Variants in SPAST observed in about 807,000 individuals in gnomAD.
SPAST encodes spastic paraplegia 4 (autosomal dominant; spastin).
In SPAST, 30 loss-of-function variants were observed where a neutral mutation model predicts 76.6. That is an observed-to-expected ratio of 0.39 (90% CI 0.29 to 0.53). SPAST has a LOEUF of 0.53. Ranked by LOEUF, SPAST falls within the 20% of genes least tolerant of loss-of-function variation. The probability of loss-of-function intolerance (pLI) is 0.68; values close to 1 mark genes in which losing one functional copy is unlikely to be tolerated. For synonymous variants in SPAST, 305 were observed against 281.0 expected, an observed-to-expected ratio of 1.09 and a Z score of -0.86; for missense variants, 717 against 770.5, an observed-to-expected ratio of 0.93 and a Z score of 0.82.
chr2:32,083,737 ATATT>A (rs1677339342), intron 1 of SPAST, among the ~76,000 whole-genome samples: 1 of 70,954 alleles, frequency 1.4e-5, no homozygotes, highest in Admixed American at 2.0e-4. Flanking sequence ...TATACTATAT[ATATT>A]TATATATACT....
chr2:32,120,572 CTTTT>C (rs36066356), intron 7 of SPAST, among the ~76,000 whole-genome samples: 1 of 131,200 alleles, frequency 7.6e-6, no homozygotes, highest in Non-Finnish European at 1.6e-5. Context: ...TAACTCAGGT[CTTTT>C]TTTTTTTTTT....
rs1386292852 is a variant in SPAST at position 32,063,978 on chromosome 2, C to A, written c.147C>A (p.Asn49Lys). 1 of 1,613,280 alleles carries A rather than the reference C, an allele frequency of 6.2e-7. No homozygotes were observed. The highest frequency in any genetic ancestry group is 8.5e-7 in the Non-Finnish European group (1 of 1,179,492). ...CGCCCGAGTCGCCGCATAAGCGGAA[C>A]CTGTACTATTTCTCCTACCCGCTGT... ...APPPESPHKR[N>K]LYYFSYPLFV... Residue 49 changes from asparagine (N) to lysine (K), a missense_variant, in exon 1 of 17, where the codon AAC becomes AAA. By Grantham distance (94) the Asn-to-Lys change is moderately conservative. Coordinates refer to ENST00000315285, the MANE Select transcript of SPAST (RefSeq NM_014946.4).
chr2:32,144,996 G>C lies in SPAST; in HGVS notation c.1676G>C (p.Gly559Ala). The C allele has an allele frequency of 6.2e-7, 1 of 1,611,050 alleles. No homozygotes were observed. The change falls in exon 15 of 17, where the codon GGT (glycine) becomes GCT (alanine). Residue 559 changes from glycine (G) to alanine (A), a missense_variant. Coordinates refer to ENST00000315285, the MANE Select transcript of SPAST (RefSeq NM_014946.4). Reference protein sequence around the residue: ...LTALAKDAALGPIRELKPEQV... With the variant: ...LTALAKDAALAPIRELKPEQV... ...GCTTTGGCAAAAGATGCAGCACTGG[G>C]TCCTATCCGAGGTAGGTATACAAGA...
At chr2:32,092,337 A>C (rs1359778355) in intron 3 of SPAST, among the ~76,000 whole-genome samples, 1 of 152,180 alleles carries the variant, frequency 6.6e-6, no homozygotes, top group African/African-American at 2.4e-5. Context: ...TCTAATTGGT[A>C]CTTTCTACGT....
At chr2:32,068,079 C>T (rs1426691470) in intron 1 of SPAST, among the ~76,000 whole-genome samples, 5 of 144,502 alleles carry the variant, frequency 3.5e-5, no homozygotes, top group Admixed American at 6.9e-5. Context: ...CCCGGGTTCA[C>T]GCCATTCTCC....
chr2:32,072,200 G>A (rs1676778742), intron 1 of SPAST, among the ~76,000 whole-genome samples: 1 of 126,724 alleles, frequency 7.9e-6, no homozygotes, highest in African/African-American at 2.9e-5. Flanking sequence ...TGGCCACCAT[G>A]CCCAGCTATT....
At chr2:32,110,665 A>G (rs972810223) in intron 4 of SPAST, among the ~76,000 whole-genome samples, 11 of 139,252 alleles carry the variant, frequency 7.9e-5, no homozygotes, top group African/African-American at 1.6e-4. Context: ...TATAGTATAT[A>G]TAGTATATAT....
chr2:32,140,250 G>T (rs1051206476), intron 12 of SPAST, among the ~76,000 whole-genome samples: 1 of 151,840 alleles, frequency 6.6e-6, no homozygotes, highest in Non-Finnish European at 1.5e-5. Flanking sequence ...TTCTTTCCTT[G>T]GTGGTTTTTT....
chr2:32,154,699 G>A lies in SPAST; in HGVS notation c.*203G>A, dbSNP rs939749843. ...CAAATGTAATTTTTTGTTGTTTAAG[G>A]CCTTGCCTTGATGGTCACAGTTATC... is the stretch of plus-strand genomic sequence containing the variant. On this transcript the variant is annotated 3_prime_UTR_variant, in exon 17 of 17. Transcript: ENST00000315285. 2 of 573,098 alleles carry A rather than the reference G, an allele frequency of 3.5e-6. No individual in the cohort carries two copies. The highest frequency in any genetic ancestry group is 6.1e-5 in the Admixed American group (2 of 32,902). 35.5% of individuals were successfully genotyped at this position (573,098 alleles called of 1,614,324 possible).
intron 1 of SPAST, among the ~76,000 whole-genome samples, chr2:32,081,145 G>A (rs1160735035): frequency 6.6e-6 from 1 of 151,642 alleles, no homozygotes; most frequent in Non-Finnish European, 1.5e-5. Flanking sequence ...TTTTAGTAGA[G>A]ATGGGGTTTC....
At chr2:32,103,040 G>T (rs1423430606) in intron 4 of SPAST, among the ~76,000 whole-genome samples, 1 of 152,144 alleles carries the variant, frequency 6.6e-6, no homozygotes, top group African/African-American at 2.4e-5. Context: ...CAGAAGGAAT[G>T]GTACCAGCTC....
chr2:32,099,483 C>A (rs1466296853), intron 4 of SPAST, among the ~76,000 whole-genome samples: 1 of 152,004 alleles, frequency 6.6e-6, no homozygotes, highest in Non-Finnish European at 1.5e-5. Context: ...GGGGACTCTC[C>A]ATTTCTTAGG....
At chr2:32,080,324 C>T (rs967900607) in intron 1 of SPAST, among the ~76,000 whole-genome samples, 1 of 151,566 alleles carries the variant, frequency 6.6e-6, no homozygotes. Flanking sequence ...AGCATAACTA[C>T]TCAACCCTGT....
chr2:32,145,560 T>G (rs979865846), intron 15 of SPAST, among the ~76,000 whole-genome samples: 4 of 152,246 alleles, frequency 2.6e-5, no homozygotes, highest in African/African-American at 9.6e-5. Flanking sequence ...GAAAATGTTC[T>G]TATCTGTTTT....
intron 1 of SPAST, among the ~76,000 whole-genome samples, chr2:32,068,296 G>A (rs1470002058): frequency 6.7e-6 from 1 of 150,024 alleles, no homozygotes; most frequent in East Asian, 2.0e-4. Flanking sequence ...GATTTCTAAT[G>A]TGGACATCAG....
Position 32,103,561 on chromosome 2 carries a change from G to A in SPAST, c.682+4670G>A, listed in dbSNP as rs1283012246. 2.0e-5 allele frequency among the ~76,000 whole-genome samples: 3 copies of A among 151,782 alleles called. No individual in the cohort carries two copies. In the East Asian group the frequency reaches 5.8e-4, roughly 29 times the overall value. On this transcript the variant is annotated intron_variant, in intron 4 of 16. Coordinates refer to ENST00000315285, the MANE Select transcript of SPAST (RefSeq NM_014946.4). Reference sequence around the variant, plus strand: ...CTAGTTCTTTTAATGGTGATGTTAGGGTGTCAATTTTAGATCTTTCCTGTT... The same window carrying A: ...CTAGTTCTTTTAATGGTGATGTTAGAGTGTCAATTTTAGATCTTTCCTGTT...
Position 32,154,729 on chromosome 2 carries a change from T to C in SPAST, c.*233T>C, listed in dbSNP as rs543080209. 22 of 515,734 alleles carry C rather than the reference T, an allele frequency of 4.3e-5. No homozygotes were observed. Among genetic ancestry groups the C allele is most frequent in the African/African-American group, 4.0e-4 (21 of 51,940 alleles). 31.9% of individuals were successfully genotyped at this position (515,734 alleles called of 1,614,324 possible). ...GCCTTGATGGTCACAGTTATCCCAA[T>C]GGACACTAAGTTAGAGCACAACAAA... On this transcript the variant is annotated 3_prime_UTR_variant, in exon 17 of 17. Coordinates refer to ENST00000315285, the MANE Select transcript of SPAST (RefSeq NM_014946.4).
At chr2:32,101,521 G>A (rs905665721) in intron 4 of SPAST, among the ~76,000 whole-genome samples, 3 of 152,058 alleles carry the variant, frequency 2.0e-5, no homozygotes, top group Non-Finnish European at 4.4e-5. Flanking sequence ...GGTGTTTTAG[G>A]CATGAAGTCC....
chr2:32,120,972 C>G (rs1251786649), intron 7 of SPAST, among the ~76,000 whole-genome samples: 1 of 152,150 alleles, frequency 6.6e-6, no homozygotes, highest in Non-Finnish European at 1.5e-5. Flanking sequence ...CTTCTAGCTT[C>G]CAGTGCTGCT....
Sources: gnomAD v4.1 joint callset for allele counts (sites outside exome capture counted in the v4.1 genomes callset) on GRCh38, gnomAD v4.1.1 for gene constraint, MANE v1.5 for transcripts, NCBI Gene and HGNC (gene_info 2026-07-23, HGNC 2026-07-21) for gene names.